GNAS: variants seen among roughly 807,000 people sequenced by gnomAD.
The protein encoded by GNAS is GNAS complex locus.
In GNAS, 8 loss-of-function variants were observed where a neutral mutation model predicts 54.5. The ratio of observed to expected loss-of-function variants is 0.15; its 90% CI spans 0.09 to 0.26. The LOEUF is 0.26. Ranked by LOEUF, GNAS falls within the 10% of genes least tolerant of loss-of-function variation. GNAS has a pLI of 1.00. For synonymous variants in GNAS, 204 were observed against 191.4 expected (o/e 1.07, Z -0.54); for missense variants, 170 against 529.8 (o/e 0.32, Z 6.67).
rs2146282034 is a variant in GNAS, at chr20:58,909,623, T to G, written c.718+44T>G. 1 of 1,614,132 alleles carries G rather than the reference T, an allele frequency of 6.2e-7. No homozygotes were observed. The highest frequency in any genetic ancestry group is 1.1e-5 in the South Asian group (1 of 91,086). On this transcript the variant is annotated intron_variant, in intron 9 of 12. Coordinates refer to ENST00000371085, the MANE Select transcript of GNAS (RefSeq NM_000516.7). The surrounding 1 kb of genome is among the most constrained non-coding windows in gnomAD (Gnocchi z 7.3). ...GGCTGTTCGTAAAGAACGCTTTGCT[T>G]CTGTGTTGTTAGGGATCAGGGTCGC...
intron 1 of GNAS, among the ~76,000 whole-genome samples, chr20:58,871,738 GAGAAA>G (rs1300655441): frequency 2.0e-5 from 3 of 148,988 alleles, no homozygotes; most frequent in Non-Finnish European, 4.5e-5. Context: ...GAGGGAGGGG[GAGAAA>G]AGAAAAGAAA....
upstream of GNAS, chr20:58,839,864 T>C (rs1436885661): frequency 5.0e-6 from 3 of 596,840 alleles, no homozygotes; most frequent in African/African-American, 5.6e-5. Flanking sequence ...ACTTTCCCCT[T>C]TTTTCCCATC....
At chr20:58,876,179 G>A (rs2145750046) in intron 1 of GNAS, among the ~76,000 whole-genome samples, 1 of 152,276 alleles carries the variant, frequency 6.6e-6, no homozygotes, top group East Asian at 1.9e-4. Context: ...TGCCAATTAA[G>A]TTCCCCAGTG....
Position 58,910,374 on chromosome 20 carries a change from C to T in GNAS, c.1011C>T (p.Ala337=), listed in dbSNP as rs373741261. The stretch of plus-strand genomic sequence containing the variant: ...GAGAGGACCCACGCGTGACCCGGGC[C>T]AAGTACTTCATTCGAGATGAGTTTC... ...EPGEDPRVTR[A]KYFIRDEFLR... Residue 337 remains alanine (A), a synonymous_variant, in exon 12 of 13, where the codon GCC becomes GCT. Coordinates refer to ENST00000371085, the MANE Select transcript of GNAS (RefSeq NM_000516.7). This position sits in a 1 kb window ranked among gnomAD's most constrained non-coding sequence, Gnocchi z 5.8. 2.5e-6 allele frequency: 4 copies of T among 1,612,486 alleles called. No homozygotes were observed. The East Asian group carries it at 6.7e-5, about 27-fold the overall frequency.
chr20:58,899,388 C>A (rs2090381807), intron 3 of GNAS: 1 of 521,172 alleles, frequency 1.9e-6, no homozygotes, highest in Non-Finnish European at 3.7e-6. Context: ...AAATTTCAGA[C>A]CTCTTTGAAA....
At chr20:58,855,717 T>A in intron 1 of GNAS, 1 of 633,832 alleles carries the variant, frequency 1.6e-6, no homozygotes, top group Non-Finnish European at 2.9e-6. Flanking sequence ...GGGTCCACGG[T>A]GGGCTGGGGT....
chr20:58,878,912 T>TGGGGGGGGGGGGGGGGGGG (rs11086659), intron 1 of GNAS, among the ~76,000 whole-genome samples: 52 of 95,370 alleles, frequency 5.5e-4, no homozygotes, highest in Admixed American at 1.0e-3. Context: ...GGGGTGCGGG[T>TGGGGGGGGGGGGGGGGGGG]GGGGGGGGGA....
At chr20:58,846,161 AAAG>A (rs779236333) in intron 1 of GNAS, among the ~76,000 whole-genome samples, 3 of 152,316 alleles carry the variant, frequency 2.0e-5, no homozygotes, top group East Asian at 1.9e-4. Flanking sequence ...AAGGAGCAGA[AAAG>A]AAGATTTAGA....
upstream of GNAS, chr20:58,888,337 T>A (rs1021412781): frequency 1.3e-5 from 2 of 152,080 alleles, no homozygotes; most frequent in Non-Finnish European, 2.9e-5. Flanking sequence ...ATTGAATGAA[T>A]AAACCGTATC....
At position 58,856,206 on chromosome 20, in the gene GNAS, A is replaced by G. The variant is rs1175531269; in HGVS notation, c.43+15320A>G. The G allele has an allele frequency of 1.9e-5, 3 of 155,786 alleles. No homozygotes were observed. The allele number at this position is 155,786 out of a possible 1,614,324, so 9.7% of individuals were successfully genotyped here. On this transcript the variant is annotated intron_variant, in intron 1 of 12. Coordinates refer to the GNAS transcript ENST00000306090. This position sits in a 1 kb window ranked among gnomAD's most constrained non-coding sequence, Gnocchi z 4.2. ...CCCGCCTTTACAGTTGAAAAACCAG[A>G]CACACAGGTATCTGGGGCGCCCGGG...
chr20:58,839,829 C>A (rs1184027111), upstream of GNAS: 4 of 593,712 alleles, frequency 6.7e-6, no homozygotes, highest in Non-Finnish European at 1.2e-5. Flanking sequence ...TAAGACTCAG[C>A]GAGAGGAGCC....
intron 1 of GNAS, among the ~76,000 whole-genome samples, chr20:58,866,821 G>A (rs2087099900): frequency 6.8e-6 from 1 of 147,222 alleles, no homozygotes; most frequent in Non-Finnish European, 1.5e-5. Context: ...TATGACCTCT[G>A]ACTTCATTGC....
At position 58,841,765 on chromosome 20, in the gene GNAS, G is replaced by A; in HGVS notation, c.43+879G>A. The A allele has an allele frequency of 8.1e-7, 1 of 1,230,132 alleles. No individual in the cohort carries two copies. 76.2% of individuals were successfully genotyped at this position (1,230,132 alleles called of 1,614,324 possible). A position where few individuals can be genotyped will look rare whatever the true frequency, so the allele number is the denominator to read the frequency against. ...CATGGTCACGTCGGGGTATTGCCAA[G>A]CTTTTGGCGCAGCTGGTCGGGTGGC... On this transcript the variant is annotated intron_variant, in intron 1 of 12. Transcript: ENST00000306090. This position sits in a 1 kb window ranked among gnomAD's most constrained non-coding sequence, Gnocchi z 5.0.
intron 2 of GNAS, 170 bp from the exon 3 acceptor site, chr20:58,898,771 A>C: frequency 1.4e-6 from 1 of 724,202 alleles, no homozygotes; most frequent in Non-Finnish European, 2.5e-6. Flanking sequence ...TGGATGTTCC[A>C]ATTTAGCCAG....
chr20:58,844,815 A>AC (rs571572271), intron 1 of GNAS, among the ~76,000 whole-genome samples: 1 of 152,028 alleles, frequency 6.6e-6, no homozygotes, highest in East Asian at 1.9e-4. Flanking sequence ...AAACAAAACA[A>AC]AACAACAACA....
intron 1 of GNAS, among the ~76,000 whole-genome samples, chr20:58,878,157 C>T (rs887080877): frequency 4.6e-5 from 7 of 152,190 alleles, no homozygotes; most frequent in Non-Finnish European, 7.3e-5. Context: ...TGTGAGCCTG[C>T]TTGTCTGGGC....
At chr20:58,900,084 G>GA (rs1817962343) in intron 3 of GNAS, 4 of 541,544 alleles carry the variant, frequency 7.4e-6, no homozygotes, top group Non-Finnish European at 1.0e-5. Context: ...GGGGAGGGGG[G>GA]ATGGGGCCCC....
chr20:58,898,153 T>C (rs1425674589), intron 2 of GNAS: 1 of 152,222 alleles, frequency 6.6e-6, no homozygotes, highest in African/African-American at 2.4e-5. Flanking sequence ...ACCATTAACA[T>C]TGGTTGAACT....
At chr20:58,904,238 A>C (rs1271257006) in intron 5 of GNAS, among the ~76,000 whole-genome samples, 1 of 152,234 alleles carries the variant, frequency 6.6e-6, no homozygotes, top group Non-Finnish European at 1.5e-5. Flanking sequence ...AAGTGCCCTA[A>C]GGTACCTTGG....
Sources: gnomAD v4.1 joint callset for allele counts (sites outside exome capture counted in the v4.1 genomes callset) on GRCh38, gnomAD v4.1.1 for gene constraint, Gnocchi (gnomAD v3.1) non-coding constraint, MANE v1.5 for transcripts, NCBI Gene and HGNC (gene_info 2026-07-23, HGNC 2026-07-21) for gene names.